The following TBC1D30 variants were observed in gnomAD, a reference collection of about 807,000 sequenced individuals.
The protein encoded by TBC1D30 is TBC1 domain family member 30.
Under a neutral mutation model 63.2 loss-of-function variants are expected in TBC1D30, and 31 were observed. That is an observed-to-expected ratio of 0.49 (90% CI 0.37 to 0.66). TBC1D30 has a LOEUF of 0.66. Ranked by LOEUF, TBC1D30 falls within the 30% of genes least tolerant of loss-of-function variation. The pLI is 0.00. For missense variants in TBC1D30, 810 were observed against 953.6 expected (o/e 0.85, Z 1.98); for synonymous variants, 307 against 361.5 (o/e 0.85, Z 1.71).
At chr12:64,859,473 T>C (rs1877597276) in intron 8 of TBC1D30, among the ~76,000 whole-genome samples, 6 of 152,262 alleles carry the variant, frequency 3.9e-5, no homozygotes, top group Admixed American at 3.9e-4. Context: ...CGGGCAGCTC[T>C]GTGAAGGATG....
chr12:64,875,712 C>T lies in TBC1D30; in HGVS notation c.2210C>T (p.Pro737Leu). ...TTATATGGCCCTACAGAAAGAACCCCAACTGTGCACTTTCCTCAAATGAGT... is the reference window on the plus strand; with the variant it reads ...TTATATGGCCCTACAGAAAGAACCCTAACTGTGCACTTTCCTCAAATGAGT... Reference protein sequence around the residue: ...LGLYGPTERTPTVHFPQMSRS... With the variant: ...LGLYGPTERTLTVHFPQMSRS... Residue 737 changes from proline (P) to leucine (L), a missense_variant, in exon 12 of 12, where the codon CCA becomes CTA. By Grantham distance (98) the Pro-to-Leu change is moderately conservative. Around this residue, in one of 4 missense-constraint regions of TBC1D30, gnomAD observed 450 missense variants for 473.0 expected, o/e 0.95. Coordinates refer to ENST00000539867, the MANE Select transcript of TBC1D30 (RefSeq NM_015279.2). 1 of 1,536,554 alleles carries T rather than the reference C, an allele frequency of 6.5e-7. No homozygotes were observed. The highest frequency in any genetic ancestry group is 8.7e-7 in the Non-Finnish European group (1 of 1,147,018).
intron 2 of TBC1D30, among the ~76,000 whole-genome samples, chr12:64,797,308 C>A (rs1044998979): frequency 1.3e-5 from 2 of 152,208 alleles, no homozygotes; most frequent in African/African-American, 2.4e-5. Flanking sequence ...TGTTGTGTCA[C>A]CTTGCACAAC....
chr12:64,766,728 C>A (rs1008529436), intron 1 of TBC1D30, among the ~76,000 whole-genome samples: 4 of 152,154 alleles, frequency 2.6e-5, no homozygotes, highest in African/African-American at 7.2e-5. Flanking sequence ...CTCCACCCAA[C>A]AAGAGCAGAA....
At chr12:64,821,288 A>G (rs974258137), upstream of TBC1D30, among the ~76,000 whole-genome samples, 15 of 152,208 alleles carry the variant, frequency 9.9e-5, no homozygotes, top group Non-Finnish European at 1.8e-4. Context: ...ATGACAATCC[A>G]AAGTTTGCTT....
rs1726693112 is a variant in TBC1D30, at chr12:64,875,372, A to T, written c.1870A>T (p.Ser624Cys). Reference sequence around the variant, plus strand: ...AGCGACAGCTGGGAGAGAAGGCAGCAGCCCTGAAGGCAGTACCAGGAGGAC... The same window carrying T: ...AGCGACAGCTGGGAGAGAAGGCAGCTGCCCTGAAGGCAGTACCAGGAGGAC... The part of the protein sequence containing the change: ...CTATAGREGS[S>C]PEGSTRRTIE... Residue 624 changes from serine (S) to cysteine (C), a missense_variant, in exon 12 of 12, where the codon AGC (serine) becomes TGC (cysteine). Around this residue, in one of 4 missense-constraint regions of TBC1D30, gnomAD observed 450 missense variants for 473.0 expected, o/e 0.95. Transcript: ENST00000539867. 2.5e-5 allele frequency: 38 copies of T among 1,536,140 alleles called. No individual in the cohort carries two copies. The highest frequency in any genetic ancestry group is 3.1e-5 in the Non-Finnish European group (36 of 1,146,932).
Position 64,875,669 on chromosome 12 carries a change from A to C in TBC1D30, c.2167A>C (p.Thr723Pro), listed in dbSNP as rs755057527. 85 of 1,536,318 alleles carry C rather than the reference A, an allele frequency of 5.5e-5. No individual in the cohort carries two copies. Among genetic ancestry groups the C allele is most frequent in the Non-Finnish European group, 7.3e-5 (84 of 1,146,976 alleles). ...CGTCAAGCCCCTGCGGAAATCTGCT[A>C]CTGCCAGGAACTTGGGATTATATGG... ...PSVKPLRKSA[T>P]ARNLGLYGPT... Residue 723 changes from threonine (T) to proline (P), a missense_variant, in exon 12 of 12, where the codon ACT becomes CCT. Thr to Pro is a conservative substitution (Grantham distance 38). Transcript: ENST00000539867.
upstream of TBC1D30, among the ~76,000 whole-genome samples, chr12:64,822,675 C>CTTTTT (rs4045050): frequency 7.4e-6 from 1 of 135,682 alleles, no homozygotes; most frequent in African/African-American, 2.8e-5. Flanking sequence ...ATTTTTGTAG[C>CTTTTT]TTTTTTTTTT....
intron 3 of TBC1D30, among the ~76,000 whole-genome samples, chr12:64,829,979 A>G (rs947969041): frequency 6.6e-6 from 1 of 152,258 alleles, no homozygotes; most frequent in Non-Finnish European, 1.5e-5. Context: ...CCCATTCACC[A>G]TGAGTGACCA....
At chr12:64,809,941 C>A (rs181162237) in intron 2 of TBC1D30, among the ~76,000 whole-genome samples, 4 of 152,242 alleles carry the variant, frequency 2.6e-5, no homozygotes, top group Admixed American at 2.6e-4. Context: ...TTCCCTTCCC[C>A]TTTTCTTCTT....
intron 11 of TBC1D30, 140 bp from the exon 12 acceptor site, chr12:64,874,861 C>T: frequency 8.0e-6 from 6 of 752,094 alleles, no homozygotes; most frequent in Non-Finnish European, 1.3e-5. Flanking sequence ...TCTTCAGTCA[C>T]ATGACTCTGC....
chr12:64,777,012 G>A (rs985545450), upstream of TBC1D30, among the ~76,000 whole-genome samples: 2 of 152,218 alleles, frequency 1.3e-5, no homozygotes, highest in African/African-American at 2.4e-5. Flanking sequence ...AAAACCACAC[G>A]ATTATCTCAA....
chr12:64,769,072 C>T (rs535125532), intron 1 of TBC1D30, among the ~76,000 whole-genome samples: 63 of 152,180 alleles, frequency 4.1e-4, no homozygotes, highest in African/African-American at 1.4e-3. Context: ...ATGAGAGGAT[C>T]GCTTGTGCCC....
At chr12:64,869,431 C>T (rs567183069) in intron 10 of TBC1D30, among the ~76,000 whole-genome samples, 222 of 152,212 alleles carry the variant, frequency 1.5e-3, no homozygotes, top group African/African-American at 5.1e-3. Context: ...TTGGTATGTG[C>T]TCTTCTGTCA....
At chr12:64,759,904 T>A (rs1046486912) in intron 1 of TBC1D30, among the ~76,000 whole-genome samples, 13 of 152,230 alleles carry the variant, frequency 8.5e-5, no homozygotes, top group African/African-American at 3.1e-4. Flanking sequence ...GGATGTTTAA[T>A]CGTTTTTAAT....
intron 8 of TBC1D30, among the ~76,000 whole-genome samples, chr12:64,845,914 T>C (rs1451312044): frequency 6.6e-6 from 1 of 152,158 alleles, no homozygotes; most frequent in Non-Finnish European, 1.5e-5. Flanking sequence ...CCCGCCGAGC[T>C]TGGCCTCCCA....
chr12:64,767,394 G>A (rs1226496573), intron 1 of TBC1D30, among the ~76,000 whole-genome samples: 1 of 152,024 alleles, frequency 6.6e-6, no homozygotes, highest in Admixed American at 6.6e-5. Context: ...GCTCAACCAA[G>A]TATTAGTCCT....
At chr12:64,829,606 A>C (rs890970070) in intron 3 of TBC1D30, among the ~76,000 whole-genome samples, 1 of 152,158 alleles carries the variant, frequency 6.6e-6, no homozygotes, top group African/African-American at 2.4e-5. Context: ...TCAAGTGAGC[A>C]TTTGGATATA....
intron 5 of TBC1D30, among the ~76,000 whole-genome samples, chr12:64,834,533 A>C (rs755000034): frequency 2.0e-5 from 3 of 151,050 alleles, no homozygotes; most frequent in African/African-American, 7.3e-5. Context: ...CAGCCTCCCG[A>C]GTAGCTGGGA....
Position 64,876,547 on chromosome 12 carries a change from G to A in TBC1D30, c.*759G>A, listed in dbSNP as rs963631213. ...TGAGCTTTTCCTGAGGTTTGTGTTC[G>A]CCTCTCAAGGAGAGCTTTGATCCTC... On this transcript the variant is annotated 3_prime_UTR_variant, in exon 12 of 12. Coordinates refer to ENST00000539867, the MANE Select transcript of TBC1D30 (RefSeq NM_015279.2). The A allele has an allele frequency of 3.6e-5, 11 of 307,398 alleles. No homozygotes were observed. Among genetic ancestry groups the A allele is most frequent in the Admixed American group, 8.1e-5 (2 of 24,634 alleles). 19.0% of individuals were successfully genotyped at this position (307,398 alleles called of 1,614,324 possible).
Sources: allele counts gnomAD v4.1 joint callset (sites outside exome capture counted in the v4.1 genomes callset), GRCh38; gene constraint gnomAD v4.1.1; regional missense constraint gnomAD v4.1.1; transcripts MANE v1.5; gene names NCBI Gene and HGNC (gene_info 2026-07-23, HGNC 2026-07-21).